The following LDLRAD4 variants were observed in gnomAD, a reference collection of about 807,000 sequenced individuals.
LDLRAD4 encodes the protein low density lipoprotein receptor class A domain containing 4, also known as low-density lipoprotein receptor class A domain-containing protein 4.
Under a neutral mutation model 17.0 loss-of-function variants are expected in LDLRAD4, and 5 were observed. The observed-to-expected ratio is 0.29, with a 90% CI of 0.15 to 0.62. LDLRAD4 has a LOEUF of 0.62. Among genes scored for constraint, LDLRAD4 ranks in the 20% least tolerant of loss-of-function variants. The probability of loss-of-function intolerance (pLI) is 0.84; values close to 1 mark genes in which losing one functional copy is unlikely to be tolerated. For missense variants in LDLRAD4, 340 were observed against 424.7 expected (o/e 0.80, Z 1.75); for synonymous variants, 168 against 171.8 (o/e 0.98, Z 0.17).
intron 1 of LDLRAD4, among the ~76,000 whole-genome samples, chr18:13,326,042 C>T (rs930848215): frequency 1.3e-5 from 2 of 152,208 alleles, no homozygotes; most frequent in African/African-American, 4.8e-5. Context: ...GCTGGGATTA[C>T]AGGAGTGAGC....
At chr18:13,435,881 C>G (rs2090622286) in intron 2 of LDLRAD4, among the ~76,000 whole-genome samples, 1 of 152,236 alleles carries the variant, frequency 6.6e-6, no homozygotes, top group South Asian at 2.1e-4. Context: ...ATTTGGGGAA[C>G]TTTGTTATGC....
At chr18:13,302,105 A>C (rs920058914) in intron 1 of LDLRAD4, among the ~76,000 whole-genome samples, 6 of 152,252 alleles carry the variant, frequency 3.9e-5, no homozygotes, top group Admixed American at 3.9e-4. Context: ...TTTTAACAAC[A>C]ACAACAACAC....
At chr18:13,582,776 G>A (rs139342717) in intron 3 of LDLRAD4, among the ~76,000 whole-genome samples, 2 of 152,310 alleles carry the variant, frequency 1.3e-5, no homozygotes, top group East Asian at 3.9e-4. Flanking sequence ...ACAGTTGCAC[G>A]AGAATAGCTC....
At chr18:13,393,296 A>G (rs1228627072) in intron 2 of LDLRAD4, among the ~76,000 whole-genome samples, 1 of 152,208 alleles carries the variant, frequency 6.6e-6, no homozygotes, top group African/African-American at 2.4e-5. Flanking sequence ...AACTTAAATC[A>G]GTTTCTTTAC....
intron 1 of LDLRAD4, among the ~76,000 whole-genome samples, chr18:13,293,018 C>T (rs578245816): frequency 2.0e-4 from 30 of 152,356 alleles, no homozygotes; most frequent in African/African-American, 6.0e-4. Context: ...TCGAGCACCA[C>T]GTCCCAGGAA....
chr18:13,469,545 C>G (rs1600590950), intron 3 of LDLRAD4, among the ~76,000 whole-genome samples: 1 of 152,300 alleles, frequency 6.6e-6, no homozygotes, highest in South Asian at 2.1e-4. Flanking sequence ...AAATATTACT[C>G]AGCCATAAAA....
intron 1 of LDLRAD4, among the ~76,000 whole-genome samples, chr18:13,316,170 A>C (rs2080924318): frequency 6.6e-6 from 1 of 152,238 alleles, no homozygotes; most frequent in African/African-American, 2.4e-5. Flanking sequence ...AAATACACAG[A>C]GAACCACACC....
chr18:13,620,580 G>A (rs1308526436), intron 3 of LDLRAD4, among the ~76,000 whole-genome samples: 1 of 152,220 alleles, frequency 6.6e-6, no homozygotes, highest in African/African-American at 2.4e-5. Context: ...CACATGTGAA[G>A]TGTGTGTCAA....
At chr18:13,632,793 G>A (rs989866712) in intron 4 of LDLRAD4, among the ~76,000 whole-genome samples, 7 of 152,230 alleles carry the variant, frequency 4.6e-5, no homozygotes, top group African/African-American at 1.4e-4. Flanking sequence ...TGAGAAGTTG[G>A]AGAGAAGCTT....
At chr18:13,612,739 A>C (rs1460057841) in intron 3 of LDLRAD4, 1 of 1,613,950 alleles carries the variant, frequency 6.2e-7, no homozygotes, top group Non-Finnish European at 8.5e-7. Context: ...AGCACACTGA[A>C]GGAGGCTCAG....
chr18:13,220,928 T>G (rs954607053), intron 1 of LDLRAD4, among the ~76,000 whole-genome samples: 3 of 152,212 alleles, frequency 2.0e-5, no homozygotes, highest in Non-Finnish European at 4.4e-5. Flanking sequence ...CTCCTTGTGG[T>G]GGGTGGGAGG....
intron 3 of LDLRAD4, among the ~76,000 whole-genome samples, chr18:13,478,780 A>G (rs566392787): frequency 2.0e-5 from 3 of 152,356 alleles, no homozygotes; most frequent in African/African-American, 4.8e-5. Context: ...AACTGATTCT[A>G]AAGTTTATAT....
chr18:13,643,235 C>T (rs1462477094), intron 4 of LDLRAD4, 124 bp from the exon 6 acceptor site: 8 of 598,122 alleles, frequency 1.3e-5, no homozygotes, highest in Middle Eastern at 5.3e-4. Flanking sequence ...CGCCCGGCCT[C>T]GCTCCACGTT....
rs1359030620 is a variant in LDLRAD4 at position 13,314,933 on chromosome 18, G to T, written c.-383+36745G>T. ...TGTTGTAGAGATGTTCTCGTACGTT[G>T]CCCAGGCTGGCCTCAAGGGATCCTC... On this transcript the variant is annotated intron_variant, in intron 1 of 5. Coordinates refer to ENST00000359446, the Ensembl canonical transcript of LDLRAD4. Among the ~76,000 whole-genome samples, 6 of 152,272 alleles carry T rather than the reference G, an allele frequency of 3.9e-5. No homozygotes were observed. The East Asian group carries it at 1.2e-3, about 29-fold the overall frequency.
At chr18:13,526,909 C>G in intron 3 of LDLRAD4, among the ~76,000 whole-genome samples, 1 of 152,184 alleles carries the variant, frequency 6.6e-6, no homozygotes, top group Non-Finnish European at 1.5e-5. Flanking sequence ...CTCCTTCCCT[C>G]ACTTCCTTCC....
Position 13,565,396 on chromosome 18 carries a change from C to T in LDLRAD4, c.182-55721C>T, listed in dbSNP as rs112458905. ...GCCAGCGCCAAGCTGGGCCAGGGCC[C>T]GGCCGTGCTGGCCTGCGAGCAGCCC... On this transcript the variant is annotated intron_variant, in intron 3 of 5. Transcript: ENST00000359446. Among the ~76,000 whole-genome samples the T allele has an allele frequency of 1.6e-4, 22 of 140,190 alleles. No individual in the cohort carries two copies. In the South Asian group the frequency reaches 2.0e-3, roughly 13 times the overall value. 92.0% of individuals were successfully genotyped at this position (140,190 alleles called of 152,430 possible).
chr18:13,537,295 A>G (rs1029524240), intron 3 of LDLRAD4, among the ~76,000 whole-genome samples: 3 of 152,222 alleles, frequency 2.0e-5, no homozygotes, highest in Admixed American at 6.5e-5. Flanking sequence ...CACCTAGGGT[A>G]TATGGCAGCA....
At chr18:13,502,051 T>C (rs1272535830) in intron 3 of LDLRAD4, among the ~76,000 whole-genome samples, 1 of 152,234 alleles carries the variant, frequency 6.6e-6, no homozygotes, top group Non-Finnish European at 1.5e-5. Flanking sequence ...ACATCTTGTG[T>C]AACGCTGCAA....
intron 3 of LDLRAD4, among the ~76,000 whole-genome samples, chr18:13,578,078 C>G (rs2094800669): frequency 6.6e-6 from 1 of 152,152 alleles, no homozygotes; most frequent in Admixed American, 6.5e-5. Context: ...TCTCTAAAAA[C>G]CAGTGGTTCT....
Sources: allele counts gnomAD v4.1 joint callset (sites outside exome capture counted in the v4.1 genomes callset), GRCh38; gene constraint gnomAD v4.1.1; transcripts MANE v1.5; gene names NCBI Gene and HGNC (gene_info 2026-07-23, HGNC 2026-07-21).